The following CHLSN variants were observed in gnomAD, a reference collection of about 807,000 sequenced individuals.
The protein encoded by CHLSN is cholesin.
At chr7:1,016,852 G>A in the CHLSN span, among the ~76,000 whole-genome samples, 1 of 89,878 alleles carries the variant, frequency 1.1e-5, no homozygotes, top group African/African-American at 4.6e-5. Context: ...CCAGCACACA[G>A]CAGCACACAG....
At chr7:1,052,249 C>T in the CHLSN span, among the ~76,000 whole-genome samples, 55 of 152,234 alleles carry the variant, frequency 3.6e-4, no homozygotes, top group Admixed American at 2.7e-3. This position sits in a 1 kb window ranked among gnomAD's most constrained non-coding sequence, Gnocchi z 4.2. Flanking sequence ...TGCGTCGAGG[C>T]GTGCCCTCCT....
the CHLSN span, among the ~76,000 whole-genome samples, chr7:1,054,785 T>C: frequency 1.3e-5 from 2 of 152,354 alleles, no homozygotes; most frequent in Admixed American, 6.5e-5. Flanking sequence ...GCCATGCCCA[T>C]GTCCCTTCTG....
the CHLSN span, chr7:1,057,993 T>C: frequency 5.2e-6 from 4 of 770,260 alleles, no homozygotes; most frequent in Non-Finnish European, 9.6e-6. Flanking sequence ...GCTGACCAGC[T>C]TCTCCTCGCT....
the CHLSN span, among the ~76,000 whole-genome samples, chr7:1,018,993 G>C: frequency 1.7e-4 from 26 of 152,178 alleles, no homozygotes; most frequent in Non-Finnish European, 3.1e-4. Context: ...TCAGGAGTCC[G>C]AGACCAGCCT....
chr7:997,782 G>A, the CHLSN span: 1 of 1,606,950 alleles, frequency 6.2e-7, no homozygotes. Flanking sequence ...GGCCAGCAGG[G>A]TGGAGAAGTG....
At chr7:1,072,713 G>T in the CHLSN span, among the ~76,000 whole-genome samples, 2 of 124,512 alleles carry the variant, frequency 1.6e-5, no homozygotes, top group South Asian at 4.8e-4. Context: ...ATGGAGTCTC[G>T]CTCCATCGTG....
At chr7:980,610 G>A in the CHLSN span, among the ~76,000 whole-genome samples, 1 of 151,942 alleles carries the variant, frequency 6.6e-6, no homozygotes, top group African/African-American at 2.4e-5. Context: ...TGCACACCCG[G>A]CCATGCCCCC....
chr7:1,127,086 CCTT>C, the CHLSN span, among the ~76,000 whole-genome samples: 2 of 152,198 alleles, frequency 1.3e-5, no homozygotes, highest in African/African-American at 2.4e-5. Context: ...TTACTAAAAT[CCTT>C]CTTTGTCCTA....
At chr7:1,008,226 C>A in the CHLSN span, among the ~76,000 whole-genome samples, 1 of 152,214 alleles carries the variant, frequency 6.6e-6, no homozygotes, top group South Asian at 2.1e-4. Flanking sequence ...CCTGTGTCCA[C>A]CTGCTCTGCC....
chr7:986,460 G>C, the CHLSN span: 3 of 757,606 alleles, frequency 4.0e-6, no homozygotes, highest in African/African-American at 1.8e-5. Context: ...GGCAGTTCCT[G>C]GTCCTCCCTT....
At chr7:1,079,358 G>A in the CHLSN span, among the ~76,000 whole-genome samples, 1 of 152,188 alleles carries the variant, frequency 6.6e-6, no homozygotes, top group Non-Finnish European at 1.5e-5. Context: ...CGAGAATTGT[G>A]ACCTCAAAAG....
the CHLSN span, among the ~76,000 whole-genome samples, chr7:1,117,465 T>C: frequency 7.9e-6 from 1 of 126,008 alleles, no homozygotes; most frequent in Non-Finnish European, 1.6e-5. Context: ...GATGATGACA[T>C]CACTGCAGTT....
At chr7:1,055,805 C>G in the CHLSN span, among the ~76,000 whole-genome samples, 7 of 152,162 alleles carry the variant, frequency 4.6e-5, no homozygotes, top group African/African-American at 1.7e-4. Context: ...ATCACAGACC[C>G]TGGACAGATC....
chr7:1,021,459 G>A, the CHLSN span: 2,288 of 985,422 alleles, frequency 2.3e-3, 39 homozygotes, highest in African/African-American at 0.035. Flanking sequence ...AAGTCTGATC[G>A]GCAGTGGTGG....
At chr7:1,099,751 A>C in the CHLSN span, among the ~76,000 whole-genome samples, 1 of 152,212 alleles carries the variant, frequency 6.6e-6, no homozygotes, top group Admixed American at 6.5e-5. Flanking sequence ...TGACCTGTGC[A>C]CAGATGTGGC....
chr7:1,134,100 A>G, the CHLSN span, among the ~76,000 whole-genome samples: 2 of 152,102 alleles, frequency 1.3e-5, no homozygotes, highest in Admixed American at 6.6e-5. Context: ...CCTGGCCCCA[A>G]AATATATATA....
At chr7:1,021,548 G>A in the CHLSN span, 4 of 985,328 alleles carry the variant, frequency 4.1e-6, no homozygotes, top group Non-Finnish European at 4.8e-6. Context: ...CACCGCACAG[G>A]AGTAGGGCTT....
chr7:995,685 C>T, the CHLSN span, among the ~76,000 whole-genome samples: 53 of 152,258 alleles, frequency 3.5e-4, no homozygotes, highest in Non-Finnish European at 6.3e-4. Context: ...GCAGCCGGAT[C>T]GCAGGCACCG....
chr7:1,088,086 TA>T, the CHLSN span: 1 of 152,226 alleles, frequency 6.6e-6, no homozygotes, highest in African/African-American at 2.4e-5. The surrounding 1 kb of genome is among the most constrained non-coding windows in gnomAD (Gnocchi z 4.5). Context: ...AGGGGGCCTA[TA>T]AAGCCCTGTG....
Sources: allele counts gnomAD v4.1 joint callset (sites outside exome capture counted in the v4.1 genomes callset), GRCh38; gene constraint gnomAD v4.1.1; non-coding constraint Gnocchi (gnomAD v3.1); transcripts MANE v1.5; gene names NCBI Gene and HGNC (gene_info 2026-07-23, HGNC 2026-07-21).